Variants in CNTN4 observed in about 807,000 individuals in gnomAD.
CNTN4 encodes contactin 4.
A neutral mutation model predicts 122.5 loss-of-function variants in CNTN4; 77 were observed. That is an observed-to-expected ratio of 0.63 (90% CI 0.52 to 0.76). The LOEUF (loss-of-function observed/expected upper bound fraction) is 0.76. CNTN4 is among the 30% of genes least tolerant of loss of function. The pLI, the probability that CNTN4 is intolerant of heterozygous loss-of-function variation, is 0.00. For missense variants in CNTN4, 1,256 were observed against 1,259.1 expected (o/e 1.00, Z 0.04); for synonymous variants, 512 against 447.0 (o/e 1.15, Z -1.83).
At chr3:2,209,742 A>C (rs1271867831) in intron 2 of CNTN4, among the ~76,000 whole-genome samples, 1 of 152,124 alleles carries the variant, frequency 6.6e-6, no homozygotes, top group Non-Finnish European at 1.5e-5. Context: ...TTAATAACAG[A>C]AGTAATAAGT....
intron 14 of CNTN4, among the ~76,000 whole-genome samples, chr3:3,012,511 G>A (rs1234331235): frequency 6.6e-6 from 1 of 151,846 alleles, no homozygotes; most frequent in African/African-American, 2.4e-5. Flanking sequence ...GTGCAATGGC[G>A]TGATCTCGGC....
At chr3:2,727,102 C>G (rs2088283197) in intron 4 of CNTN4, among the ~76,000 whole-genome samples, 1 of 152,198 alleles carries the variant, frequency 6.6e-6, no homozygotes, top group South Asian at 2.1e-4. Flanking sequence ...GTTATGTCGC[C>G]TCCATGTAAT....
intron 2 of CNTN4, among the ~76,000 whole-genome samples, chr3:2,329,075 A>C (rs1004877811): frequency 4.6e-5 from 7 of 152,302 alleles, no homozygotes; most frequent in African/African-American, 1.7e-4. Flanking sequence ...ATAAAATAAA[A>C]ATTTTCACAA....
At chr3:2,717,312 T>A (rs1463201399) in intron 4 of CNTN4, among the ~76,000 whole-genome samples, 1 of 152,098 alleles carries the variant, frequency 6.6e-6, no homozygotes, top group Non-Finnish European at 1.5e-5. Flanking sequence ...TATTTCCTTC[T>A]GGGAATCTGG....
chr3:2,124,837 T>C (rs908622008), intron 2 of CNTN4, among the ~76,000 whole-genome samples: 1 of 152,208 alleles, frequency 6.6e-6, no homozygotes, highest in African/African-American at 2.4e-5. Flanking sequence ...ACAGATTTAA[T>C]GTATACAATT....
chr3:2,149,020 A>G (rs973463246), intron 2 of CNTN4, among the ~76,000 whole-genome samples: 117 of 152,046 alleles, frequency 7.7e-4, no homozygotes, highest in African/African-American at 2.7e-3. Flanking sequence ...CTGCAATTTC[A>G]AACACTGAAG....
chr3:2,355,073 C>T (rs768898092), intron 3 of CNTN4, among the ~76,000 whole-genome samples: 1 of 152,186 alleles, frequency 6.6e-6, no homozygotes, highest in African/African-American at 2.4e-5. Context: ...GTTGCCAGAA[C>T]TGCTGTGAAT....
intron 5 of CNTN4, among the ~76,000 whole-genome samples, chr3:2,740,904 A>G (rs1039878422): frequency 2.0e-5 from 3 of 152,228 alleles, no homozygotes; most frequent in African/African-American, 7.2e-5. Context: ...TTTATCAAAC[A>G]TATTCATTAT....
At chr3:2,916,499 C>G (rs1314197146) in intron 12 of CNTN4, among the ~76,000 whole-genome samples, 1 of 147,892 alleles carries the variant, frequency 6.8e-6, no homozygotes, top group African/African-American at 2.5e-5. Context: ...ACACATGTTT[C>G]AGAGAGCACG....
chr3:2,676,566 G>T (rs551583132), intron 4 of CNTN4, among the ~76,000 whole-genome samples: 1 of 152,256 alleles, frequency 6.6e-6, no homozygotes, highest in Non-Finnish European at 1.5e-5. Flanking sequence ...CAATTTGGAG[G>T]TATGGGAGAC....
intron 6 of CNTN4, among the ~76,000 whole-genome samples, chr3:2,812,126 A>G (rs114575492): frequency 0.01 from 1,576 of 152,208 alleles, 36 homozygotes; most frequent in African/African-American, 0.037. Flanking sequence ...CCTGTTAGAG[A>G]GTGGAGGGCG....
chr3:2,614,606 C>T (rs372805034), intron 4 of CNTN4, among the ~76,000 whole-genome samples: 24 of 152,076 alleles, frequency 1.6e-4, no homozygotes, highest in African/African-American at 5.1e-4. Flanking sequence ...AATGAGAGAA[C>T]GGGGTGAACT....
At chr3:3,021,364 A>G (rs2125595964) in intron 14 of CNTN4, among the ~76,000 whole-genome samples, 1 of 152,342 alleles carries the variant, frequency 6.6e-6, no homozygotes, top group Non-Finnish European at 1.5e-5. Context: ...TCATTAATCA[A>G]CACTCTTTGC....
chr3:2,923,729 C>G lies in CNTN4; in HGVS notation c.1208-1900C>G, dbSNP rs191443269. Among the ~76,000 whole-genome samples the G allele has an allele frequency of 2.0e-5, 3 of 152,260 alleles. No homozygotes were observed. The East Asian group carries it at 5.8e-4, about 29-fold the overall frequency. Reference sequence around the variant, plus strand: ...TCATGCATGTGCACACACACATACACTGTATTTTTTGTAGTAGTTATTATG... The same window carrying G: ...TCATGCATGTGCACACACACATACAGTGTATTTTTTGTAGTAGTTATTATG... On this transcript the variant is annotated intron_variant, in intron 12 of 24. Transcript: ENST00000418658.
At position 2,729,427 on chromosome 3, in the gene CNTN4, T is replaced by C. The variant is rs180741591; in HGVS notation, c.56-6788T>C. Among the ~76,000 whole-genome samples, 343 of 148,532 alleles carry C rather than the reference T, an allele frequency of 2.3e-3. 8 individuals are homozygous for C. Among genetic ancestry groups the C allele is most frequent in the African/African-American group, 8.4e-3 (329 of 39,206 alleles). ...GGGCGTGGTGGCAGGCGCCTGTATT[T>C]CCAGCTACTCGGGAGGCTAAGCAGG... is the stretch of plus-strand genomic sequence containing the variant. On this transcript the variant is annotated intron_variant, in intron 4 of 24. Coordinates refer to ENST00000418658, the MANE Select transcript of CNTN4 (RefSeq NM_175607.3).
chr3:2,881,783 C>A (rs995983102), intron 8 of CNTN4, among the ~76,000 whole-genome samples: 1 of 147,456 alleles, frequency 6.8e-6, no homozygotes, highest in Non-Finnish European at 1.5e-5. Flanking sequence ...TGTCCCCCAT[C>A]CAGTGAGTGA....
chr3:2,169,180 G>C (rs1227278303), intron 2 of CNTN4, among the ~76,000 whole-genome samples: 1 of 152,076 alleles, frequency 6.6e-6, no homozygotes, highest in East Asian at 1.9e-4. Context: ...TTGTAAATAT[G>C]ATTGAATCGC....
At chr3:2,284,090 T>C (rs1168590187) in intron 2 of CNTN4, among the ~76,000 whole-genome samples, 10 of 151,840 alleles carry the variant, frequency 6.6e-5, no homozygotes, top group Non-Finnish European at 1.5e-5. Flanking sequence ...AAGAGGCAAA[T>C]AGAGTAAGTA....
intron 2 of CNTN4, among the ~76,000 whole-genome samples, chr3:2,214,998 G>A (rs1286788316): frequency 6.6e-6 from 1 of 152,114 alleles, no homozygotes; most frequent in Admixed American, 6.5e-5. Context: ...TGTATTCACA[G>A]CCTTTGAAAA....
Sources: gnomAD v4.1 joint callset for allele counts (sites outside exome capture counted in the v4.1 genomes callset) on GRCh38, gnomAD v4.1.1 for gene constraint, MANE v1.5 for transcripts, NCBI Gene and HGNC (gene_info 2026-07-23, HGNC 2026-07-21) for gene names.